Variants in SLCO2B1 observed in about 807,000 individuals in gnomAD.
SLCO2B1 encodes OATP-RP2.
Under a neutral mutation model 67.3 loss-of-function variants are expected in SLCO2B1, and 41 were observed. The observed-to-expected ratio is 0.61, with a 90% CI of 0.47 to 0.79. SLCO2B1 has a LOEUF of 0.79. Among genes scored for constraint, SLCO2B1 ranks in the 30% least tolerant of loss-of-function variants. The pLI is 0.00. For missense variants in SLCO2B1, 837 were observed against 920.1 expected (o/e 0.91, Z 1.17); for synonymous variants, 379 against 381.4 (o/e 0.99, Z 0.07).
At chr11:75,170,061 C>A in intron 6 of SLCO2B1, 1 of 343,390 alleles carries the variant, frequency 2.9e-6, no homozygotes, top group Non-Finnish European at 5.4e-6. Context: ...TTGTTCCATA[C>A]CCCACCTTCA....
chr11:75,157,270 A>C (rs1396824748), intron 1 of SLCO2B1, among the ~76,000 whole-genome samples: 1 of 152,280 alleles, frequency 6.6e-6, no homozygotes, highest in Non-Finnish European at 1.5e-5. Flanking sequence ...GTCTAGGAAG[A>C]GGAAAAATAT....
At chr11:75,163,461 G>T (rs534842844) in intron 2 of SLCO2B1, among the ~76,000 whole-genome samples, 1 of 152,182 alleles carries the variant, frequency 6.6e-6, no homozygotes, top group East Asian at 1.9e-4. Context: ...ACTAGTGGGG[G>T]TGGGATGGAG....
intron 6 of SLCO2B1, among the ~76,000 whole-genome samples, chr11:75,171,950 G>A (rs1565538150): frequency 6.6e-6 from 1 of 152,034 alleles, no homozygotes; most frequent in Non-Finnish European, 1.5e-5. Flanking sequence ...GGAGGAGCAG[G>A]TACCTATATG....
chr11:75,185,094 G>C (rs1297375403), intron 7 of SLCO2B1, among the ~76,000 whole-genome samples: 1 of 152,186 alleles, frequency 6.6e-6, no homozygotes, highest in Non-Finnish European at 1.5e-5. Context: ...CGTCCTGCTG[G>C]GACAGGCCAG....
At position 75,202,928 on chromosome 11, in the gene SLCO2B1, G is replaced by A; in HGVS notation, c.1791G>A (p.Leu597=). ...GAGTGAAGAAAGAAGACAAGACTTTGGCTGTGGGCATCCAGTTCATGTTCC... is the reference window on the plus strand; with the variant it reads ...GAGTGAAGAAAGAAGACAAGACTTTAGCTGTGGGCATCCAGTTCATGTTCC... ...LRGVKKEDKT[L]AVGIQFMFLR... The change falls in exon 12 of 14, where the codon TTG becomes TTA. Residue 597 remains leucine, a synonymous_variant. Coordinates refer to ENST00000289575, the MANE Select transcript of SLCO2B1 (RefSeq NM_007256.5). 1 of 1,613,938 alleles carries A rather than the reference G, an allele frequency of 6.2e-7. No individual in the cohort carries two copies. The highest frequency in any genetic ancestry group is 8.5e-7 in the Non-Finnish European group (1 of 1,179,988).
intron 7 of SLCO2B1, among the ~76,000 whole-genome samples, chr11:75,180,855 C>G (rs1008641661): frequency 6.6e-6 from 1 of 152,180 alleles, no homozygotes; most frequent in Non-Finnish European, 1.5e-5. Context: ...ATTAAGTAAC[C>G]TGGTCACATA....
chr11:75,174,057 C>T (rs1949996652), intron 7 of SLCO2B1, among the ~76,000 whole-genome samples: 1 of 152,196 alleles, frequency 6.6e-6, no homozygotes, highest in Non-Finnish European at 1.5e-5. Context: ...CCGCCTCAGC[C>T]TCCCAAAGTG....
intron 7 of SLCO2B1, among the ~76,000 whole-genome samples, chr11:75,172,911 A>G (rs1396475321): frequency 2.0e-5 from 3 of 150,848 alleles, no homozygotes; most frequent in Non-Finnish European, 4.4e-5. Flanking sequence ...CCTGGGCAAC[A>G]AAGCAAGACT....
intron 8 of SLCO2B1, among the ~76,000 whole-genome samples, chr11:75,190,708 T>G (rs1483561132): frequency 6.6e-6 from 1 of 152,144 alleles, no homozygotes; most frequent in Non-Finnish European, 1.5e-5. Context: ...GGGAAGCCCC[T>G]ACCTAATTGG....
Position 75,169,207 on chromosome 11 carries a change from C to T in SLCO2B1, c.483C>T (p.Cys161=). The T allele has an allele frequency of 6.2e-7, 1 of 1,614,030 alleles. No individual in the cohort carries two copies. Among genetic ancestry groups the T allele is most frequent in the Admixed American group, 1.7e-5 (1 of 60,004 alleles). The part of the protein sequence containing the change: ...DMPQDFKASL[C]LPTTSAPASA... ...CACAGGACTTCAAGGCTTCCCTGTGCCTGCCCACAACCTCGGCCCCAGCCT... is the reference window on the plus strand; with the variant it reads ...CACAGGACTTCAAGGCTTCCCTGTGTCTGCCCACAACCTCGGCCCCAGCCT... Residue 161 remains cysteine (C), a synonymous_variant, in exon 5 of 14, where the codon TGC becomes TGT. Transcript: ENST00000289575.
At chr11:75,198,948 GT>G in intron 10 of SLCO2B1, among the ~76,000 whole-genome samples, 2 of 152,206 alleles carry the variant, frequency 1.3e-5, no homozygotes, top group African/African-American at 4.8e-5. Flanking sequence ...TTAGATGAAT[GT>G]GAAGGGTCAG....
chr11:75,157,591 C>T (rs1483795306), intron 1 of SLCO2B1, among the ~76,000 whole-genome samples: 3 of 152,040 alleles, frequency 2.0e-5, no homozygotes, highest in Admixed American at 6.5e-5. Flanking sequence ...CAGCTGGGCC[C>T]GATTGCCTCA....
chr11:75,177,580 G>T (rs545912742), intron 7 of SLCO2B1, among the ~76,000 whole-genome samples: 1 of 152,290 alleles, frequency 6.6e-6, no homozygotes, highest in East Asian at 1.9e-4. Context: ...CTTACATACA[G>T]GGTGGTCCAG....
At chr11:75,153,530 C>T (rs568072350) in intron 1 of SLCO2B1, among the ~76,000 whole-genome samples, 1 of 152,242 alleles carries the variant, frequency 6.6e-6, no homozygotes, top group Non-Finnish European at 1.5e-5. Flanking sequence ...GCCCCCAGGT[C>T]TGCCTGGTAC....
chr11:75,165,923 C>A lies in SLCO2B1; in HGVS notation c.422C>A (p.Pro141Gln). 3 of 1,614,140 alleles carry A rather than the reference C, an allele frequency of 1.9e-6. No individual in the cohort carries two copies. Among genetic ancestry groups the A allele is most frequent in the Non-Finnish European group, 1.7e-6 (2 of 1,179,990 alleles). ...ACTCTCCCGCACTTCATCTCGGAGC[C>A]ATACCGCTACGACAACACCAGCCCT... ...LMTLPHFISE[P>Q]YRYDNTSPED... The change falls in exon 4 of 14, where the codon CCA becomes CAA. Residue 141 changes from proline (P) to glutamine (Q), a missense_variant. Coordinates refer to ENST00000289575, the MANE Select transcript of SLCO2B1 (RefSeq NM_007256.5).
At chr11:75,196,243 T>C (rs940324519) in intron 9 of SLCO2B1, 1 of 390,124 alleles carries the variant, frequency 2.6e-6, no homozygotes, top group Non-Finnish European at 4.6e-6. Flanking sequence ...GGAATTTATC[T>C]TGTATACCCT....
intron 4 of SLCO2B1, among the ~76,000 whole-genome samples, chr11:75,168,562 A>C (rs1949920504): frequency 6.6e-6 from 1 of 152,206 alleles, no homozygotes; most frequent in Admixed American, 6.5e-5. Context: ...CTGTGTCCCA[A>C]GCTGACACTG....
At chr11:75,152,854 A>G (rs951263000) in intron 1 of SLCO2B1, among the ~76,000 whole-genome samples, 1 of 151,864 alleles carries the variant, frequency 6.6e-6, no homozygotes, top group African/African-American at 2.4e-5. Context: ...GGCTCACCAC[A>G]CTACTCTGAG....
chr11:75,156,989 T>C (rs1949754168), intron 1 of SLCO2B1: 2 of 152,338 alleles, frequency 1.3e-5, no homozygotes. Flanking sequence ...TTATGATCTG[T>C]ACCCTGTGCT....
Sources: allele counts gnomAD v4.1 joint callset (sites outside exome capture counted in the v4.1 genomes callset), GRCh38; gene constraint gnomAD v4.1.1; transcripts MANE v1.5; gene names NCBI Gene and HGNC (gene_info 2026-07-23, HGNC 2026-07-21).